The following LRP1B variants were observed in gnomAD, a reference collection of about 807,000 sequenced individuals.
The protein encoded by LRP1B is low-density lipoprotein receptor-related protein 1B.
A neutral mutation model predicts 556.6 loss-of-function variants in LRP1B; 217 were observed. The observed-to-expected ratio is 0.39, with a 90% CI of 0.35 to 0.44. LRP1B has a LOEUF of 0.44. LRP1B is among the 20% of genes least tolerant of loss of function. The pLI, the probability that LRP1B is intolerant of heterozygous loss-of-function variation, is 1.00. For missense variants in LRP1B, 5,053 were observed against 5,620.8 expected (o/e 0.90, Z 3.23); for synonymous variants, 2,047 against 1,865.8 (o/e 1.10, Z -2.50).
chr2:140,978,650 T>A (rs986949212), intron 18 of LRP1B, among the ~76,000 whole-genome samples: 1 of 152,216 alleles, frequency 6.6e-6, no homozygotes, highest in African/African-American at 2.4e-5. Context: ...CTTGCAGAGA[T>A]CTGTGCCATT....
chr2:140,330,574 A>C lies in LRP1B; in HGVS notation c.12223+3879T>G, dbSNP rs1006625868. On this transcript the variant is annotated intron_variant, in intron 79 of 90. Coordinates refer to ENST00000389484, the MANE Select transcript of LRP1B (RefSeq NM_018557.3). ...TTACACCTTATACAAAAATTAACTT[A>C]ATATAGATTTAAGACTTAAATGTAA... 5.9e-5 allele frequency among the ~76,000 whole-genome samples: 9 copies of C among 152,180 alleles called. No homozygotes were observed. In the East Asian group the frequency reaches 1.7e-3, roughly 30 times the overall value.
chr2:141,145,455 T>A (rs1394356945), intron 7 of LRP1B, among the ~76,000 whole-genome samples: 1 of 152,124 alleles, frequency 6.6e-6, no homozygotes, highest in Non-Finnish European at 1.5e-5. Context: ...TAAAGCTCTG[T>A]GGAGTAAATT....
chr2:141,617,941 G>A (rs1342041711), intron 2 of LRP1B, among the ~76,000 whole-genome samples: 1 of 152,056 alleles, frequency 6.6e-6, no homozygotes, highest in Admixed American at 6.6e-5. Flanking sequence ...CTATTTATTA[G>A]CAGTTTAATA....
intron 1 of LRP1B, among the ~76,000 whole-genome samples, chr2:142,051,299 T>C (rs766575833): frequency 1.7e-4 from 26 of 152,004 alleles, no homozygotes; most frequent in Non-Finnish European, 3.2e-4. Context: ...ATTTTAAATG[T>C]GGAATCTCTG....
intron 2 of LRP1B, among the ~76,000 whole-genome samples, chr2:141,624,032 T>TAAAA (rs761446527): frequency 6.9e-5 from 1 of 14,448 alleles, no homozygotes; most frequent in Non-Finnish European, 1.7e-4. Context: ...AAAAAAAAAT[T>TAAAA]AAACAAAAAA....
intron 27 of LRP1B, among the ~76,000 whole-genome samples, chr2:140,853,300 C>G (rs1411150936): frequency 6.6e-6 from 1 of 152,070 alleles, no homozygotes; most frequent in African/African-American, 2.4e-5. Flanking sequence ...CTAAGTTTCC[C>G]CAGTTTATTA....
chr2:141,613,679 T>C (rs774776107), intron 2 of LRP1B, among the ~76,000 whole-genome samples: 4 of 152,208 alleles, frequency 2.6e-5, no homozygotes, highest in Non-Finnish European at 4.4e-5. Context: ...AGGAAATCTA[T>C]GATTTTGTTG....
intron 43 of LRP1B, among the ~76,000 whole-genome samples, chr2:140,568,880 G>A (rs987189950): frequency 1.3e-5 from 2 of 151,920 alleles, no homozygotes; most frequent in Admixed American, 1.3e-4. Flanking sequence ...AAAAAATTAT[G>A]CCAAGAAAAG....
intron 59 of LRP1B, among the ~76,000 whole-genome samples, chr2:140,483,207 C>T (rs556714247): frequency 1.3e-5 from 2 of 152,052 alleles, no homozygotes; most frequent in Admixed American, 1.3e-4. Flanking sequence ...CAAATATTAT[C>T]CAAAAATGAA....
At chr2:140,637,650 A>G (rs575015735) in intron 41 of LRP1B, among the ~76,000 whole-genome samples, 6 of 152,238 alleles carry the variant, frequency 3.9e-5, no homozygotes, top group African/African-American at 1.4e-4. Flanking sequence ...AATCCGTGCC[A>G]GGTGCCACTG....
chr2:142,065,638 A>G (rs1287656232), intron 1 of LRP1B, among the ~76,000 whole-genome samples: 1 of 151,378 alleles, frequency 6.6e-6, no homozygotes, highest in Non-Finnish European at 1.5e-5. Context: ...AAAGTTTCCA[A>G]GAATTAGGAT....
At chr2:141,074,569 G>GTCTCTCTCTCTC (rs368177753) in intron 7 of LRP1B, among the ~76,000 whole-genome samples, 2 of 136,308 alleles carry the variant, frequency 1.5e-5, no homozygotes, top group African/African-American at 2.7e-5. Flanking sequence ...CTGTCTCTCT[G>GTCTCTCTCTCTC]TCTCTCTCTC....
intron 2 of LRP1B, among the ~76,000 whole-genome samples, chr2:141,668,863 T>C (rs1481232696): frequency 6.6e-6 from 1 of 151,834 alleles, no homozygotes; most frequent in African/African-American, 2.4e-5. Context: ...TGGGCCAGAG[T>C]CCAAAAGTGC....
intron 1 of LRP1B, among the ~76,000 whole-genome samples, chr2:141,930,327 A>AT (rs1438544496): frequency 2.0e-5 from 3 of 152,136 alleles, no homozygotes; most frequent in Middle Eastern, 3.4e-3. Flanking sequence ...TAATTTTTAC[A>AT]TTTTTAAAAA....
chr2:140,544,350 G>A (rs1680248061), intron 43 of LRP1B, among the ~76,000 whole-genome samples: 2 of 152,042 alleles, frequency 1.3e-5, no homozygotes, highest in African/African-American at 4.8e-5. Context: ...AGGGATATAT[G>A]TGCAAGTTTG....
intron 2 of LRP1B, among the ~76,000 whole-genome samples, chr2:141,760,953 A>T (rs1694522156): frequency 6.6e-6 from 1 of 152,194 alleles, no homozygotes; most frequent in South Asian, 2.1e-4. Flanking sequence ...AAAATGTTTA[A>T]GTTAGCTATA....
intron 1 of LRP1B, among the ~76,000 whole-genome samples, chr2:141,898,220 C>A (rs1437807160): frequency 6.6e-6 from 1 of 152,106 alleles, no homozygotes; most frequent in Non-Finnish European, 1.5e-5. Flanking sequence ...CCTCCATCGC[C>A]TCCACCATTT....
intron 3 of LRP1B, among the ~76,000 whole-genome samples, chr2:141,354,199 C>T (rs1688542924): frequency 6.6e-6 from 1 of 151,912 alleles, no homozygotes; most frequent in African/African-American, 2.4e-5. Flanking sequence ...CACATGTACC[C>T]ATAAAACTAA....
chr2:141,004,090 T>C (rs889481247), intron 15 of LRP1B, among the ~76,000 whole-genome samples: 9 of 152,112 alleles, frequency 5.9e-5, no homozygotes, highest in African/African-American at 2.2e-4. Context: ...GAAGTTCTTT[T>C]TATTACACTT....
Sources: allele counts gnomAD v4.1 joint callset (sites outside exome capture counted in the v4.1 genomes callset), GRCh38; gene constraint gnomAD v4.1.1; transcripts MANE v1.5; gene names NCBI Gene and HGNC (gene_info 2026-07-23, HGNC 2026-07-21).